The following WWOX variants were observed in gnomAD, a reference collection of about 807,000 sequenced individuals.
The protein encoded by WWOX is WW domain containing oxidoreductase, also known as WW domain-containing oxidoreductase.
Under a neutral mutation model 46.2 loss-of-function variants are expected in WWOX, and 69 were observed. The observed-to-expected ratio is 1.49, with a 90% CI of 1.23 to 1.82. WWOX has a LOEUF of 1.82. Among genes scored for constraint, WWOX ranks in the 40% most tolerant of loss-of-function variants. WWOX has a pLI of 0.00. For missense variants in WWOX, 919 were observed against 542.6 expected, an observed-to-expected ratio of 1.69 and a Z score of -6.89; for synonymous variants, 359 against 202.6, an observed-to-expected ratio of 1.77 and a Z score of -6.56.
intron 8 of WWOX, among the ~76,000 whole-genome samples, chr16:78,755,133 T>C (rs2049609214): frequency 6.7e-6 from 1 of 150,240 alleles, no homozygotes. Context: ...GGTTGATAGG[T>C]GCAGCAAACC....
intron 5 of WWOX, among the ~76,000 whole-genome samples, chr16:78,275,616 A>G (rs2079562558): frequency 6.6e-6 from 1 of 152,208 alleles, no homozygotes; most frequent in South Asian, 2.1e-4. Flanking sequence ...ACAGAACAGC[A>G]TGGCAGGCTC....
chr16:78,303,482 C>T (rs2080078729), intron 5 of WWOX, among the ~76,000 whole-genome samples: 1 of 152,038 alleles, frequency 6.6e-6, no homozygotes, highest in Non-Finnish European at 1.5e-5. Flanking sequence ...GATTTGAGCT[C>T]CACTTTTCAA....
chr16:78,573,653 C>G (rs2044774491), intron 8 of WWOX, among the ~76,000 whole-genome samples: 1 of 152,142 alleles, frequency 6.6e-6, no homozygotes, highest in Admixed American at 6.5e-5. Flanking sequence ...AATGCATTTT[C>G]TTGAATACAC....
chr16:78,849,174 A>G (rs1358925573), intron 8 of WWOX, among the ~76,000 whole-genome samples: 1 of 152,138 alleles, frequency 6.6e-6, no homozygotes, highest in African/African-American at 2.4e-5. Context: ...GTTCTGCCCA[A>G]ACATACAAGA....
intron 8 of WWOX, among the ~76,000 whole-genome samples, chr16:78,437,932 G>A (rs1055429193): frequency 6.6e-6 from 1 of 152,106 alleles, no homozygotes; most frequent in Admixed American, 6.5e-5. Flanking sequence ...TTTCGAGTTG[G>A]TGAAAAAATG....
intron 8 of WWOX, among the ~76,000 whole-genome samples, chr16:78,723,640 T>TC: frequency 1.4e-5 from 2 of 146,864 alleles, no homozygotes; most frequent in African/African-American, 5.2e-5. Flanking sequence ...TTTTCTTTTC[T>TC]TTTCTTTTCT....
intron 8 of WWOX, among the ~76,000 whole-genome samples, chr16:78,675,133 G>C (rs937148839): frequency 1.3e-5 from 2 of 152,148 alleles, no homozygotes; most frequent in Middle Eastern, 3.2e-3. Context: ...CCTCATATTG[G>C]ATCCTCAAAA....
Position 78,454,702 on chromosome 16 carries a change from G to T in WWOX, c.1056+21950G>T, listed in dbSNP as rs375602142. Among the ~76,000 whole-genome samples the T allele has an allele frequency of 6.6e-5, 10 of 151,964 alleles. No individual in the cohort carries two copies. In the South Asian group the frequency reaches 2.1e-3, roughly 31 times the overall value. Reference sequence around the variant, plus strand: ...TTTTTGTATTTTTAGCAAGGTTGTTGATCAGGCTGGTCTCGAACTCTCAAC... The same window carrying T: ...TTTTTGTATTTTTAGCAAGGTTGTTTATCAGGCTGGTCTCGAACTCTCAAC... On this transcript the variant is annotated intron_variant, in intron 8 of 8. Transcript: ENST00000566780.
intron 8 of WWOX, among the ~76,000 whole-genome samples, chr16:78,600,503 C>T (rs927578325): frequency 6.6e-6 from 1 of 152,140 alleles, no homozygotes; most frequent in Admixed American, 6.5e-5. Context: ...TGGGTTAAAG[C>T]ATCCATGTTT....
intron 8 of WWOX, among the ~76,000 whole-genome samples, chr16:79,199,188 A>G (rs756833502): frequency 3.9e-5 from 6 of 152,060 alleles, no homozygotes; most frequent in Non-Finnish European, 8.8e-5. Flanking sequence ...TCAGCCTCCC[A>G]AGTAAGTGGG....
chr16:78,576,765 A>G (rs917550749), intron 8 of WWOX, among the ~76,000 whole-genome samples: 2 of 152,178 alleles, frequency 1.3e-5, no homozygotes, highest in African/African-American at 4.8e-5. Flanking sequence ...CAGAAGATTC[A>G]GACTGCAATG....
intron 8 of WWOX, among the ~76,000 whole-genome samples, chr16:78,820,971 G>A: frequency 6.6e-6 from 1 of 152,160 alleles, no homozygotes; most frequent in East Asian, 1.9e-4. Flanking sequence ...AAGGACACCA[G>A]TCATTGGACT....
chr16:78,974,251 C>T (rs967333659), intron 8 of WWOX, among the ~76,000 whole-genome samples: 2 of 152,216 alleles, frequency 1.3e-5, no homozygotes, highest in Admixed American at 6.5e-5. Flanking sequence ...TAGAGAAAAA[C>T]TGTCTCTAAT....
intron 5 of WWOX, among the ~76,000 whole-genome samples, chr16:78,373,330 C>G (rs1467339187): frequency 1.3e-5 from 2 of 152,280 alleles, no homozygotes; most frequent in South Asian, 4.1e-4. Flanking sequence ...AGTAGGATAT[C>G]CAAGCTCATT....
intron 8 of WWOX, among the ~76,000 whole-genome samples, chr16:78,996,622 A>G (rs1232058298): frequency 6.6e-6 from 1 of 152,034 alleles, no homozygotes; most frequent in African/African-American, 2.4e-5. Context: ...GAGAATTAAG[A>G]TTATGTCCAT....
At chr16:78,849,754 G>A (rs2052395055) in intron 8 of WWOX, among the ~76,000 whole-genome samples, 1 of 151,692 alleles carries the variant, frequency 6.6e-6, no homozygotes, top group Admixed American at 6.6e-5. Flanking sequence ...GTTCTTACCT[G>A]AGCCAAAGGA....
At chr16:78,898,031 A>T (rs928451736) in intron 8 of WWOX, 1 of 152,048 alleles carries the variant, frequency 6.6e-6, no homozygotes, top group African/African-American at 2.4e-5. Flanking sequence ...ATATTGAATT[A>T]TAGGAATTCT....
At chr16:79,102,389 C>G (rs938622907) in intron 8 of WWOX, among the ~76,000 whole-genome samples, 4 of 152,080 alleles carry the variant, frequency 2.6e-5, no homozygotes, top group Non-Finnish European at 4.4e-5. Context: ...CATTTGAAAA[C>G]TTTTATGAAT....
chr16:78,561,351 T>G lies in WWOX; in HGVS notation c.1056+128599T>G, dbSNP rs981772881. Among the ~76,000 whole-genome samples the G allele has an allele frequency of 5.3e-5, 8 of 152,218 alleles. No homozygotes were observed. The South Asian group carries it at 6.2e-4, about 12-fold the overall frequency. ...ATGTAGTTCCCTCCTGCTTTGAATC[T>G]CTCTGACTTTCCTTGATTTTGATGT... On this transcript the variant is annotated intron_variant, in intron 8 of 8. Transcript: ENST00000566780.
Sources: allele counts gnomAD v4.1 joint callset (sites outside exome capture counted in the v4.1 genomes callset), GRCh38; gene constraint gnomAD v4.1.1; transcripts MANE v1.5; gene names NCBI Gene and HGNC (gene_info 2026-07-23, HGNC 2026-07-21).